The following SFMBT2 variants were observed in gnomAD, a reference collection of about 807,000 sequenced individuals.
SFMBT2 encodes scm-like with four MBT domains protein 2.
A neutral mutation model predicts 110.1 loss-of-function variants in SFMBT2; 38 were observed. The observed-to-expected ratio is 0.35, with a 90% confidence interval of 0.27 to 0.45. The LOEUF is 0.45. Among genes scored for constraint, SFMBT2 ranks in the 20% least tolerant of loss-of-function variants. The pLI is 1.00. For synonymous variants in SFMBT2, 425 were observed against 425.4 expected (o/e 1.00, Z 0.01); for missense variants, 1,011 against 1,094.9 (o/e 0.92, Z 1.08).
At chr10:7,299,114 T>A (rs182163210) in intron 4 of SFMBT2, among the ~76,000 whole-genome samples, 1 of 152,116 alleles carries the variant, frequency 6.6e-6, no homozygotes, top group Admixed American at 6.6e-5. Flanking sequence ...ATGACACTTA[T>A]TCTAAAACCA....
chr10:7,172,607 T>C lies in SFMBT2; in HGVS notation c.2039A>G (p.Asn680Ser). Residue 680 changes from asparagine (N) to serine (S), a missense_variant, in exon 18 of 21, where the codon AAC becomes AGC. By Grantham distance (46) the Asn-to-Ser change is conservative. This residue lies in a region of SFMBT2 where 979 missense variants were observed against 1,016.1 expected (regional missense o/e 0.96). Transcript: ENST00000397167. This position sits in a 1 kb window ranked among gnomAD's most constrained non-coding sequence, Gnocchi z 4.6. Reference sequence around the variant, plus strand: ...GGGTTTGGGGTGTCCGCTGTCGGGGTTGCTTTCCCCGATGGGGGGCTTGGA... The same window carrying C: ...GGGTTTGGGGTGTCCGCTGTCGGGGCTGCTTTCCCCGATGGGGGGCTTGGA... ...KISKPPIGES[N>S]PDSGHPKPAR... 1 of 1,614,162 alleles carries C rather than the reference T, an allele frequency of 6.2e-7. No individual in the cohort carries two copies. The highest frequency in any genetic ancestry group is 1.1e-5 in the South Asian group (1 of 91,078).
chr10:7,350,448 A>T (rs936783802), intron 4 of SFMBT2, among the ~76,000 whole-genome samples: 6 of 152,192 alleles, frequency 3.9e-5, no homozygotes, highest in Non-Finnish European at 8.8e-5. Context: ...TTCTGCACCC[A>T]TGACGGCTCC....
In SFMBT2 at chr10:7,171,861, C is replaced by T. The variant is rs182248078; in HGVS notation, c.2415+34G>A. 29 of 1,389,752 alleles carry T rather than the reference C, an allele frequency of 2.1e-5. 1 individual carries two copies. Among genetic ancestry groups the T allele is most frequent in the African/African-American group, 1.4e-4 (9 of 66,572 alleles). The allele number at this position is 1,389,752 out of a possible 1,614,324, so 86.1% of individuals were successfully genotyped here. On this transcript the variant is annotated intron_variant, in intron 19 of 20. Transcript: ENST00000397167. This position sits in a 1 kb window ranked among gnomAD's most constrained non-coding sequence, Gnocchi z 4.9. ...AACAGGTGTGCTTCTTCAGACCCAG[C>T]GGGAAGCCCTCTGTCCCCACGCCCG...
intron 1 of SFMBT2, among the ~76,000 whole-genome samples, chr10:7,402,308 T>C (rs549466473): frequency 2.2e-4 from 33 of 152,314 alleles, no homozygotes; most frequent in Non-Finnish European, 4.0e-4. Flanking sequence ...TAAACATGTC[T>C]TCCGCCTTTT....
chr10:7,178,438 A>G (rs1159812433), intron 16 of SFMBT2, among the ~76,000 whole-genome samples: 1 of 152,156 alleles, frequency 6.6e-6, no homozygotes, highest in African/African-American at 2.4e-5. Flanking sequence ...GAATCCAAAA[A>G]CGTCAACAAA....
chr10:7,365,856 G>A (rs1187111000), intron 4 of SFMBT2, among the ~76,000 whole-genome samples: 1 of 152,162 alleles, frequency 6.6e-6, no homozygotes, highest in African/African-American at 2.4e-5. Context: ...GACTTTGGAG[G>A]TGATAAAAGA....
chr10:7,271,953 T>G (rs947373003), intron 7 of SFMBT2, among the ~76,000 whole-genome samples: 1 of 152,146 alleles, frequency 6.6e-6, no homozygotes, highest in Non-Finnish European at 1.5e-5. Context: ...ATGTGGGAAT[T>G]CTGGGAGCTA....
chr10:7,325,727 G>C (rs1336464812), intron 4 of SFMBT2, among the ~76,000 whole-genome samples: 2 of 152,170 alleles, frequency 1.3e-5, no homozygotes, highest in Admixed American at 6.5e-5. Flanking sequence ...CAATAAATAA[G>C]TGGGGATCTG....
At chr10:7,213,149 T>C (rs1225023514) in intron 11 of SFMBT2, among the ~76,000 whole-genome samples, 1 of 152,068 alleles carries the variant, frequency 6.6e-6, no homozygotes, top group African/African-American at 2.4e-5. Flanking sequence ...CAAACCTAGA[T>C]GACGGGTTGA....
chr10:7,380,254 A>T (rs1485396813), intron 2 of SFMBT2, among the ~76,000 whole-genome samples: 1 of 152,206 alleles, frequency 6.6e-6, no homozygotes, highest in Admixed American at 6.5e-5. Context: ...AGGAACAATG[A>T]TCCAGCTTTA....
At chr10:7,310,173 T>C (rs1374455975) in intron 4 of SFMBT2, among the ~76,000 whole-genome samples, 1 of 152,220 alleles carries the variant, frequency 6.6e-6, no homozygotes, top group Non-Finnish European at 1.5e-5. Flanking sequence ...TTCAAACATC[T>C]ATATTAACTT....
At chr10:7,229,959 C>T (rs922625830) in intron 9 of SFMBT2, among the ~76,000 whole-genome samples, 2 of 151,698 alleles carry the variant, frequency 1.3e-5, no homozygotes, top group African/African-American at 4.8e-5. Context: ...CCTTATGATC[C>T]ACCCACCTCA....
chr10:7,224,507 C>T (rs545164874), intron 10 of SFMBT2, among the ~76,000 whole-genome samples: 33 of 152,244 alleles, frequency 2.2e-4, no homozygotes, highest in African/African-American at 7.0e-4. Context: ...TCCCACATGT[C>T]GTCAACTGTG....
At chr10:7,245,691 C>T (rs1296343582) in intron 8 of SFMBT2, among the ~76,000 whole-genome samples, 1 of 152,210 alleles carries the variant, frequency 6.6e-6, no homozygotes, top group African/African-American at 2.4e-5. Context: ...CAATACAACA[C>T]ACTTCGCTTA....
At chr10:7,385,303 T>A (rs1314363137) in intron 1 of SFMBT2, among the ~76,000 whole-genome samples, 1 of 152,100 alleles carries the variant, frequency 6.6e-6, no homozygotes, top group Non-Finnish European at 1.5e-5. Context: ...AGAGACAGCA[T>A]CCACAGACTC....
chr10:7,237,779 T>C (rs1564399496), intron 9 of SFMBT2, among the ~76,000 whole-genome samples: 4 of 152,136 alleles, frequency 2.6e-5, no homozygotes, highest in African/African-American at 9.7e-5. Context: ...TATGACTTAT[T>C]TGTGTATTAT....
intron 4 of SFMBT2, chr10:7,287,499 A>C (rs1185470195): frequency 4.3e-6 from 1 of 230,548 alleles, no homozygotes; most frequent in East Asian, 1.8e-4. Flanking sequence ...AGATCTTCAA[A>C]GGCCCCACTG....
At chr10:7,210,303 C>T (rs1031747013) in intron 11 of SFMBT2, among the ~76,000 whole-genome samples, 1 of 152,192 alleles carries the variant, frequency 6.6e-6, no homozygotes, top group African/African-American at 2.4e-5. Context: ...TTCCTAGGAA[C>T]ACAGTTCTAT....
chr10:7,284,626 GACCA>G (rs1279333980), intron 5 of SFMBT2: 1 of 258,946 alleles, frequency 3.9e-6, no homozygotes, highest in Non-Finnish European at 6.1e-6. Flanking sequence ...CTACTCTAAT[GACCA>G]AAATGCTCTC....
Sources: gnomAD v4.1 joint callset for allele counts (sites outside exome capture counted in the v4.1 genomes callset) on GRCh38, gnomAD v4.1.1 for gene constraint, gnomAD v4.1.1 regional missense constraint, Gnocchi (gnomAD v3.1) non-coding constraint, MANE v1.5 for transcripts, NCBI Gene and HGNC (gene_info 2026-07-23, HGNC 2026-07-21) for gene names.